The following WNT7A variants were observed in gnomAD, a reference collection of about 807,000 sequenced individuals.
The protein encoded by WNT7A is Wnt family member 7A, also known as protein Wnt-7a.
Under a neutral mutation model 28.2 loss-of-function variants are expected in WNT7A, and 16 were observed. The ratio of observed to expected loss-of-function variants is 0.57; its 90% confidence interval spans 0.38 to 0.86. The LOEUF (loss-of-function observed/expected upper bound fraction) is 0.86. Among genes scored for constraint, WNT7A ranks in the 40% least tolerant of loss-of-function variants. The probability of loss-of-function intolerance (pLI) is 0.00; values close to 1 mark genes in which losing one functional copy is unlikely to be tolerated. For synonymous variants in WNT7A, 190 were observed against 195.9 expected (o/e 0.97, Z 0.25); for missense variants, 411 against 489.7 (o/e 0.84, Z 1.52).
In WNT7A at chr3:13,861,644, C is replaced by T. The variant is rs893986690; in HGVS notation, c.299-6841G>A. On this transcript the variant is annotated intron_variant, in intron 2 of 3. Transcript: ENST00000285018. ...GCCAAGGGGTAGCCTGAGTGATGGC[C>T]CTGGTGTGGTGTGGTCAGCTAGTGG... Among the ~76,000 whole-genome samples the T allele has an allele frequency of 9.2e-5, 14 of 152,222 alleles. No homozygotes were observed. The South Asian group carries it at 2.5e-3, about 27-fold the overall frequency.
chr3:13,828,551 C>T (rs371016693), intron 3 of WNT7A, among the ~76,000 whole-genome samples: 1 of 152,190 alleles, frequency 6.6e-6, no homozygotes, highest in Admixed American at 6.5e-5. Flanking sequence ...CTTTGTAAAA[C>T]AGATAGCCAG....
chr3:13,841,902 G>A (rs1694463313), intron 3 of WNT7A, among the ~76,000 whole-genome samples: 1 of 152,204 alleles, frequency 6.6e-6, no homozygotes. Context: ...CTCCTTGAGA[G>A]GTGATATTTG....
Position 13,879,239 on chromosome 3 carries a change from A to G in WNT7A, c.71+507T>C, listed in dbSNP as rs538291322. ...CCAGCGAATGTCCTTCCTCCTGGGT[A>G]CCTGTTCCCTGTTTGCACGGACCGG... On this transcript the variant is annotated intron_variant, in intron 1 of 3. Coordinates refer to ENST00000285018, the MANE Select transcript of WNT7A (RefSeq NM_004625.4). Among the ~76,000 whole-genome samples, 48 of 152,218 alleles carry G rather than the reference A, an allele frequency of 3.2e-4. 2 individuals carry two copies. In the South Asian group the frequency reaches 8.1e-3, roughly 26 times the overall value.
chr3:13,868,130 T>C (rs773747154), intron 2 of WNT7A, among the ~76,000 whole-genome samples: 15 of 151,820 alleles, frequency 9.9e-5, no homozygotes, highest in African/African-American at 1.5e-4. Flanking sequence ...AGGGAAGACA[T>C]GAGGGAGGCT....
chr3:13,868,828 G>GAA (rs1553576869), intron 2 of WNT7A, among the ~76,000 whole-genome samples: 16,483 of 47,282 alleles, frequency 0.35, 2,932 homozygotes, highest in East Asian at 0.62. Flanking sequence ...GAGAGAGAAA[G>GAA]AGAGAAAGAG....
At chr3:13,858,875 T>C (rs1023091170) in intron 2 of WNT7A, among the ~76,000 whole-genome samples, 1 of 152,128 alleles carries the variant, frequency 6.6e-6, no homozygotes, top group Non-Finnish European at 1.5e-5. Context: ...CCAATCCCAC[T>C]CCACCCCCAC....
intron 2 of WNT7A, among the ~76,000 whole-genome samples, chr3:13,857,017 A>G (rs1333108976): frequency 1.3e-5 from 2 of 150,136 alleles, no homozygotes; most frequent in Non-Finnish European, 3.0e-5. Context: ...GGAAGAAAAC[A>G]TCTCTGAGTA....
At chr3:13,868,487 C>CAAAAGAAAGAAA (rs202035733) in intron 2 of WNT7A, among the ~76,000 whole-genome samples, 72 of 109,608 alleles carry the variant, frequency 6.6e-4, no homozygotes, top group African/African-American at 8.4e-4. Flanking sequence ...AAGGAAAGAA[C>CAAAAGAAAGAAA]GAAAGAAAGA....
intron 2 of WNT7A, among the ~76,000 whole-genome samples, chr3:13,871,208 T>G (rs11128662): frequency 0.5 from 76,646 of 151,986 alleles, 19,908 homozygotes; most frequent in East Asian, 0.76. Context: ...TGGGTCCTGG[T>G]GCTCAAAGTC....
intron 3 of WNT7A, among the ~76,000 whole-genome samples, chr3:13,838,754 C>G (rs114693999): frequency 0.017 from 2,547 of 152,312 alleles, 30 homozygotes; most frequent in Non-Finnish European, 0.024. Flanking sequence ...GGGCAACTCT[C>G]AGCTCGGATT....
chr3:13,879,810 G>A lies in WNT7A; in HGVS notation c.7C>T (p.Arg3Trp), dbSNP rs924029560. 1 of 1,611,842 alleles carries A rather than the reference G, an allele frequency of 6.2e-7. No homozygotes were observed. Among genetic ancestry groups the A allele is most frequent in the Admixed American group, 1.7e-5 (1 of 59,896 alleles). MN[R>W]KARRCLGHLF... ...TGGCCCAGGCAGCGCCGCGCTTTCC[G>A]GTTCATAGTCCCGATTGGCCGCCGG... Residue 3 changes from arginine (R) to tryptophan (W), a missense_variant, in exon 1 of 4, where the codon CGG becomes TGG. Physicochemically the swap from Arg to Trp is moderately radical, Grantham distance 101. Coordinates refer to ENST00000285018, the MANE Select transcript of WNT7A (RefSeq NM_004625.4).
At chr3:13,841,198 A>G (rs1694451444) in intron 3 of WNT7A, among the ~76,000 whole-genome samples, 1 of 152,228 alleles carries the variant, frequency 6.6e-6, no homozygotes, top group Admixed American at 6.5e-5. Flanking sequence ...TGCTGAATGA[A>G]TATGATTTTC....
chr3:13,821,058 C>T (rs576349863), intron 3 of WNT7A, among the ~76,000 whole-genome samples: 1 of 152,216 alleles, frequency 6.6e-6, no homozygotes, highest in South Asian at 2.1e-4. Flanking sequence ...ACACAGATAT[C>T]CCCAACACAG....
At chr3:13,839,957 C>A (rs1050351199) in intron 3 of WNT7A, among the ~76,000 whole-genome samples, 4 of 152,182 alleles carry the variant, frequency 2.6e-5, no homozygotes, top group African/African-American at 4.8e-5. Flanking sequence ...CCCTTCCTAA[C>A]GCTGATCAGC....
intron 2 of WNT7A, among the ~76,000 whole-genome samples, chr3:13,868,754 GAGGGAAGGGA>G (rs1243817765): frequency 5.7e-5 from 8 of 141,572 alleles, no homozygotes; most frequent in African/African-American, 1.4e-4. Flanking sequence ...AGAAAGAAAG[GAGGGAAGGGA>G]AGGGAAGGGA....
At chr3:13,877,044 C>T (rs900934856) in intron 1 of WNT7A, 2 of 152,232 alleles carry the variant, frequency 1.3e-5, no homozygotes, top group African/African-American at 4.8e-5. Flanking sequence ...CACTAAATGA[C>T]TGCTGAATAA....
chr3:13,856,911 GA>G (rs1559303238), intron 2 of WNT7A, among the ~76,000 whole-genome samples: 3 of 83,360 alleles, frequency 3.6e-5, no homozygotes, highest in African/African-American at 6.3e-5. Context: ...AGAAGAAGAA[GA>G]AGAAGAAGAA....
intron 2 of WNT7A, among the ~76,000 whole-genome samples, chr3:13,870,655 C>T (rs1408539799): frequency 3.3e-5 from 5 of 152,198 alleles, no homozygotes; most frequent in Admixed American, 1.3e-4. Context: ...TTAGCTGGTC[C>T]AATCCGAGTG....
intron 2 of WNT7A, among the ~76,000 whole-genome samples, chr3:13,855,741 C>A (rs1454447593): frequency 2.0e-5 from 3 of 152,128 alleles, no homozygotes; most frequent in Non-Finnish European, 2.9e-5. Flanking sequence ...CTATGGGAAG[C>A]CCTGTGTGTG....
Sources: allele counts gnomAD v4.1 joint callset (sites outside exome capture counted in the v4.1 genomes callset), GRCh38; gene constraint gnomAD v4.1.1; transcripts MANE v1.5; gene names NCBI Gene and HGNC (gene_info 2026-07-23, HGNC 2026-07-21).